Variants in PLCXD2 observed in about 807,000 individuals in gnomAD.
PLCXD2 encodes the protein phosphatidylinositol specific phospholipase C X domain containing 2.
Under a neutral mutation model 28.6 loss-of-function variants are expected in PLCXD2, and 21 were observed. The ratio of observed to expected loss-of-function variants is 0.73; its 90% CI spans 0.52 to 1.06. PLCXD2 has a LOEUF of 1.06. PLCXD2 is among the 50% of genes least tolerant of loss of function. The probability of loss-of-function intolerance (pLI) is 0.00; values close to 1 mark genes in which losing one functional copy is unlikely to be tolerated. For missense variants in PLCXD2, 369 were observed against 376.7 expected, an observed-to-expected ratio of 0.98 and a Z score of 0.17; for synonymous variants, 140 against 150.1, an observed-to-expected ratio of 0.93 and a Z score of 0.49.
chr3:111,693,304 T>C (rs191890166), intron 1 of PLCXD2, among the ~76,000 whole-genome samples: 2 of 152,310 alleles, frequency 1.3e-5, no homozygotes, highest in Admixed American at 1.3e-4. Context: ...TTATTATTTA[T>C]AGAAAGTTCC....
chr3:111,678,538 TA>T (rs1553716325), intron 1 of PLCXD2, among the ~76,000 whole-genome samples: 1 of 152,198 alleles, frequency 6.6e-6, no homozygotes, highest in Non-Finnish European at 1.5e-5. Flanking sequence ...TTTCATTTTT[TA>T]AAAAACACTT....
chr3:111,691,677 A>G (rs1342829386), intron 1 of PLCXD2, among the ~76,000 whole-genome samples: 1 of 152,208 alleles, frequency 6.6e-6, no homozygotes, highest in Non-Finnish European at 1.5e-5. Context: ...ATCAATAAGG[A>G]CATAGAACCA....
rs142802416 is a variant in PLCXD2, at chr3:111,704,462, C to T, written c.164-3464C>T. On this transcript the variant is annotated intron_variant, in intron 1 of 4. Coordinates refer to ENST00000477665, the MANE Select transcript of PLCXD2 (RefSeq NM_001185106.1). Reference sequence around the variant, plus strand: ...TAGCTACTATTGAAATATTTTCTCACTGTAATTAGGAATATGCCTATGGTG... The same window carrying T: ...TAGCTACTATTGAAATATTTTCTCATTGTAATTAGGAATATGCCTATGGTG... Among the ~76,000 whole-genome samples the T allele has an allele frequency of 1.1e-3, 167 of 152,342 alleles. 2 individuals are homozygous for T. Among genetic ancestry groups the T allele is most frequent in the African/African-American group, 3.5e-3 (147 of 41,576 alleles).
At chr3:111,707,864 A>G (rs558075742) in intron 1 of PLCXD2, 62 bp from the exon 2 acceptor site, 25 of 1,436,132 alleles carry the variant, frequency 1.7e-5, no homozygotes, top group Admixed American at 7.4e-5. Flanking sequence ...TTTCTCATCA[A>G]TTGGCTTATT....
chr3:111,699,059 A>T (rs1176685126), intron 1 of PLCXD2, among the ~76,000 whole-genome samples: 1 of 152,216 alleles, frequency 6.6e-6, no homozygotes, highest in Non-Finnish European at 1.5e-5. Context: ...AATGGGCTTC[A>T]AAGTTAGAAG....
At chr3:111,703,167 A>G (rs1434543049) in intron 1 of PLCXD2, among the ~76,000 whole-genome samples, 1 of 152,194 alleles carries the variant, frequency 6.6e-6, no homozygotes, top group Non-Finnish European at 1.5e-5. Flanking sequence ...ACATTCAGCA[A>G]TCTGCTTCAT....
At chr3:111,712,436 A>G (rs1002527079) in intron 2 of PLCXD2, among the ~76,000 whole-genome samples, 2 of 152,164 alleles carry the variant, frequency 1.3e-5, no homozygotes, top group East Asian at 3.9e-4. Flanking sequence ...TTACACCTCT[A>G]CAAGGAAATC....
At chr3:111,678,005 G>T (rs1285112868) in intron 1 of PLCXD2, among the ~76,000 whole-genome samples, 1 of 152,138 alleles carries the variant, frequency 6.6e-6, no homozygotes, top group Non-Finnish European at 1.5e-5. Flanking sequence ...GCCCAATCTG[G>T]GGCATCTATA....
intron 1 of PLCXD2, among the ~76,000 whole-genome samples, chr3:111,700,877 T>C (rs184366269): frequency 1.3e-5 from 2 of 152,212 alleles, no homozygotes; most frequent in East Asian, 1.9e-4. Flanking sequence ...AAAAGTCAGG[T>C]TGCAGCGTGG....
At chr3:111,723,739 T>A (rs1265182671) in intron 3 of PLCXD2, 1 of 152,180 alleles carries the variant, frequency 6.6e-6, no homozygotes, top group African/African-American at 2.4e-5. Context: ...CTCAGGCATG[T>A]GGGACAGAGG....
At chr3:111,687,165 G>A (rs748141821) in intron 1 of PLCXD2, among the ~76,000 whole-genome samples, 6 of 152,218 alleles carry the variant, frequency 3.9e-5, no homozygotes, top group Admixed American at 2.6e-4. Context: ...AGATATAAGC[G>A]TGAAGTTGAC....
At chr3:111,701,772 G>A (rs1307268670) in intron 1 of PLCXD2, among the ~76,000 whole-genome samples, 1 of 152,138 alleles carries the variant, frequency 6.6e-6, no homozygotes, top group African/African-American at 2.4e-5. Context: ...ATGTTACAAA[G>A]GTCAAATGTA....
At chr3:111,699,657 C>G (rs1269843601) in intron 1 of PLCXD2, among the ~76,000 whole-genome samples, 1 of 152,152 alleles carries the variant, frequency 6.6e-6, no homozygotes, top group Non-Finnish European at 1.5e-5. Flanking sequence ...AACCTTTTCG[C>G]ATTCAAATCT....
At chr3:111,697,375 GC>G (rs1286714468) in intron 1 of PLCXD2, among the ~76,000 whole-genome samples, 1 of 152,092 alleles carries the variant, frequency 6.6e-6, no homozygotes, top group East Asian at 1.9e-4. Flanking sequence ...CACTCGAGAG[GC>G]CTAAAAAGAA....
chr3:111,711,274 C>T (rs1457422864), intron 2 of PLCXD2, among the ~76,000 whole-genome samples: 1 of 152,174 alleles, frequency 6.6e-6, no homozygotes, highest in East Asian at 1.9e-4. Flanking sequence ...CATGGTGGCA[C>T]ACGCCTGTAA....
intron 1 of PLCXD2, among the ~76,000 whole-genome samples, chr3:111,688,968 T>C (rs1940836140): frequency 6.6e-6 from 1 of 152,120 alleles, no homozygotes; most frequent in Non-Finnish European, 1.5e-5. Flanking sequence ...TAATAGCTAC[T>C]GTGGGACATT....
chr3:111,715,870 G>A (rs1006941149), intron 3 of PLCXD2, among the ~76,000 whole-genome samples: 1 of 152,186 alleles, frequency 6.6e-6, no homozygotes. Flanking sequence ...TGTCTTATTA[G>A]TACCTGAATC....
intron 1 of PLCXD2, chr3:111,676,777 TTGAG>T (rs1018837484): frequency 1.3e-5 from 2 of 152,204 alleles, no homozygotes; most frequent in Admixed American, 6.5e-5. Flanking sequence ...AATTATTTTG[TTGAG>T]TGATATGGCA....
At chr3:111,714,581 T>C (rs1260603591) in intron 3 of PLCXD2, among the ~76,000 whole-genome samples, 1 of 152,168 alleles carries the variant, frequency 6.6e-6, no homozygotes, top group African/African-American at 2.4e-5. Context: ...AGAAGCAGCT[T>C]AGGATGCCAC....
Sources: allele counts gnomAD v4.1 joint callset (sites outside exome capture counted in the v4.1 genomes callset), GRCh38; gene constraint gnomAD v4.1.1; transcripts MANE v1.5; gene names NCBI Gene and HGNC (gene_info 2026-07-23, HGNC 2026-07-21).